ZNF438: variants seen among roughly 807,000 people sequenced by gnomAD.
ZNF438 encodes zinc finger protein 438.
In ZNF438, 25 loss-of-function variants were observed where a neutral mutation model predicts 38.0. That is an observed-to-expected ratio of 0.66 (90% confidence interval 0.48 to 0.92). The LOEUF is 0.92. Ranked by LOEUF, ZNF438 falls within the 40% of genes least tolerant of loss-of-function variation. The pLI is 0.00. For missense variants in ZNF438, 1,007 were observed against 999.6 expected (o/e 1.01, Z -0.10); for synonymous variants, 372 against 364.1 (o/e 1.02, Z -0.25).
intron 4 of ZNF438, among the ~76,000 whole-genome samples, chr10:30,869,232 G>C (rs913834853): frequency 6.6e-6 from 1 of 152,164 alleles, no homozygotes; most frequent in Non-Finnish European, 1.5e-5. Context: ...AAATTAGCCA[G>C]GTGTGGTGGT....
upstream of ZNF438, chr10:31,032,035 ACGG>A (rs2057330341): frequency 3.3e-5 from 5 of 152,128 alleles, no homozygotes; most frequent in Non-Finnish European, 5.9e-5. Context: ...GCAGGCGCAG[ACGG>A]CCTCTGCGCC....
intron 1 of ZNF438, among the ~76,000 whole-genome samples, chr10:30,993,888 G>A (rs910594218): frequency 6.6e-6 from 1 of 152,244 alleles, no homozygotes; most frequent in African/African-American, 2.4e-5. Context: ...CCATGATGCA[G>A]GACATGGAGT....
At chr10:30,877,659 T>C (rs139043970) in intron 3 of ZNF438, among the ~76,000 whole-genome samples, 273 of 152,300 alleles carry the variant, frequency 1.8e-3, no homozygotes, top group African/African-American at 6.1e-3. Flanking sequence ...TACAGTGTGT[T>C]TGGTGATGGA....
chr10:30,901,823 G>C lies in ZNF438; in HGVS notation c.-32+7110C>G, dbSNP rs539127063. Among the ~76,000 whole-genome samples the C allele has an allele frequency of 1.1e-4, 17 of 152,294 alleles. No individual in the cohort carries two copies. The South Asian group carries it at 1.2e-3, about 11-fold the overall frequency. On this transcript the variant is annotated intron_variant, in intron 3 of 5. Coordinates refer to ENST00000413025, the Ensembl canonical transcript of ZNF438. ...ACAGTTCTTAAAGGCGGTGTGTCTG[G>C]AGTTTGTTCCTTCTGATGTTCAGAT... is the stretch of plus-strand genomic sequence containing the variant.
chr10:30,930,829 A>AAAAAAAAAAAAAAAAAAAAAC, intron 2 of ZNF438, among the ~76,000 whole-genome samples: 1 of 117,204 alleles, frequency 8.5e-6, no homozygotes, highest in Non-Finnish European at 1.8e-5. Context: ...AAAAAAAAAA[A>AAAAAAAAAAAAAAAAAAAAAC]AAAAAGCAAA....
chr10:30,874,079 A>T (rs1296193350), intron 4 of ZNF438, among the ~76,000 whole-genome samples: 1 of 147,330 alleles, frequency 6.8e-6, no homozygotes, highest in Non-Finnish European at 1.5e-5. Flanking sequence ...TATATATGTA[A>T]TATATTACGT....
chr10:30,909,305 A>G (rs1019725398), intron 2 of ZNF438, among the ~76,000 whole-genome samples: 2 of 152,206 alleles, frequency 1.3e-5, no homozygotes, highest in African/African-American at 4.8e-5. Flanking sequence ...GTTTCTGATT[A>G]TTATGTAATC....
chr10:30,846,071 T>C (rs138581495), intron 5 of ZNF438, among the ~76,000 whole-genome samples: 130 of 152,308 alleles, frequency 8.5e-4, no homozygotes, highest in African/African-American at 3.0e-3. Context: ...TTTTCTAGAG[T>C]TTCTCCTTTT....
intron 4 of ZNF438, among the ~76,000 whole-genome samples, chr10:30,859,136 A>C (rs2035165655): frequency 6.6e-6 from 1 of 152,200 alleles, no homozygotes; most frequent in South Asian, 2.1e-4. Context: ...GCTGGACTGC[A>C]GTGGTGTAAT....
intron 3 of ZNF438, among the ~76,000 whole-genome samples, chr10:30,893,226 G>C (rs1033648456): frequency 2.0e-5 from 3 of 152,164 alleles, no homozygotes; most frequent in African/African-American, 7.2e-5. Context: ...CTATGTAATT[G>C]TCTCAACTTT....
At chr10:30,929,951 T>C (rs978193366) in intron 2 of ZNF438, among the ~76,000 whole-genome samples, 7 of 152,128 alleles carry the variant, frequency 4.6e-5, no homozygotes, top group Non-Finnish European at 1.0e-4. Context: ...TCCAGCTAGA[T>C]ATAAAAGTTC....
intron 1 of ZNF438, among the ~76,000 whole-genome samples, chr10:30,966,826 C>T (rs1210750965): frequency 1.3e-5 from 2 of 152,122 alleles, no homozygotes; most frequent in African/African-American, 4.8e-5. Flanking sequence ...TACCCACCCC[C>T]CTGTAAAACT....
intron 4 of ZNF438, among the ~76,000 whole-genome samples, chr10:30,875,680 C>T (rs1406858006): frequency 6.6e-6 from 1 of 152,180 alleles, no homozygotes; most frequent in Non-Finnish European, 1.5e-5. Flanking sequence ...CCCTAGTGTT[C>T]CCGGCTGGAT....
chr10:30,896,578 C>T (rs999679266), intron 3 of ZNF438, among the ~76,000 whole-genome samples: 7 of 151,800 alleles, frequency 4.6e-5, no homozygotes, highest in African/African-American at 1.7e-4. Context: ...TGTATGATTC[C>T]ATATATATCA....
chr10:30,863,207 G>A (rs2035875248), intron 4 of ZNF438, among the ~76,000 whole-genome samples: 1 of 152,188 alleles, frequency 6.6e-6, no homozygotes, highest in African/African-American at 2.4e-5. Context: ...GGTAAGTCTT[G>A]ACTGTTCCTT....
At chr10:30,901,571 A>G (rs1450023522) in intron 3 of ZNF438, among the ~76,000 whole-genome samples, 2 of 152,128 alleles carry the variant, frequency 1.3e-5, no homozygotes, top group Admixed American at 6.5e-5. Context: ...TCTAAGGAAA[A>G]ATAGGACAGA....
At chr10:30,921,928 T>C (rs1194775346) in intron 2 of ZNF438, among the ~76,000 whole-genome samples, 3 of 152,288 alleles carry the variant, frequency 2.0e-5, no homozygotes, top group East Asian at 3.9e-4. Context: ...TCCTGGGATG[T>C]AAAAACCTCC....
At position 30,845,579 on chromosome 10, in the gene ZNF438, A is replaced by G. The variant is rs1225322686; in HGVS notation, c.1875-6T>C. ...CCAGGTTGGACTTGTTTTCCCTGAAAAGGCCAATAATAATGAAGATAAGAT... is the reference window on the plus strand; with the variant it reads ...CCAGGTTGGACTTGTTTTCCCTGAAGAGGCCAATAATAATGAAGATAAGAT... On this transcript the variant is annotated splice_polypyrimidine_tract_variant and splice_region_variant and intron_variant, in intron 5 of 5. Coordinates refer to ENST00000413025, the Ensembl canonical transcript of ZNF438. 1.2e-6 allele frequency: 2 copies of G among 1,602,170 alleles called. No individual in the cohort carries two copies. The highest frequency in any genetic ancestry group is 2.2e-5 in the East Asian group (1 of 44,826).
In ZNF438 at chr10:30,959,732, A is replaced by T. The variant is rs372061398; in HGVS notation, c.-191-18081T>A. On this transcript the variant is annotated intron_variant, in intron 1 of 5. Transcript: ENST00000413025. Reference sequence around the variant, plus strand: ...CACTGCACTCCAGCCTGGGTGACAGAGCCAGACTCCGTCTCAATAAATAAA... The same window carrying T: ...CACTGCACTCCAGCCTGGGTGACAGTGCCAGACTCCGTCTCAATAAATAAA... Among the ~76,000 whole-genome samples the T allele has an allele frequency of 3.8e-4, 56 of 146,930 alleles. 5 individuals carry two copies. The South Asian group carries it at 9.2e-3, about 24-fold the overall frequency.
Sources: allele counts gnomAD v4.1 joint callset (sites outside exome capture counted in the v4.1 genomes callset), GRCh38; gene constraint gnomAD v4.1.1; transcripts MANE v1.5; gene names NCBI Gene and HGNC (gene_info 2026-07-23, HGNC 2026-07-21).